Variants in METTL21A observed in about 807,000 individuals in gnomAD.
The protein encoded by METTL21A is methyltransferase 21A, HSPA lysine, also known as protein N-lysine methyltransferase METTL21A.
Under a neutral mutation model 20.9 loss-of-function variants are expected in METTL21A, and 22 were observed. The ratio of observed to expected loss-of-function variants is 1.05; its 90% CI spans 0.75 to 1.50. METTL21A has a LOEUF of 1.50. Ranked by LOEUF, METTL21A falls within the 40% of genes most tolerant of loss-of-function variation. The pLI is 0.00. For synonymous variants in METTL21A, 93 were observed against 102.0 expected, an observed-to-expected ratio of 0.91 and a Z score of 0.53; for missense variants, 271 against 266.8, an observed-to-expected ratio of 1.02 and a Z score of -0.11.
At chr2:207,613,145 C>T in exon 4 of METTL21A, 1 of 1,613,870 alleles carries the variant, frequency 6.2e-7, no homozygotes, top group Non-Finnish European at 8.5e-7. Context: ...GCCTCTCCAG[C>T]ATTGCTAAGA....
chr2:207,622,423 G>A (rs990284947), intron 2 of METTL21A, among the ~76,000 whole-genome samples: 11 of 152,144 alleles, frequency 7.2e-5, no homozygotes, highest in African/African-American at 2.4e-4. Context: ...GCTTCCCAAA[G>A]TGCTAGGATT....
At chr2:207,594,287 G>A (rs1299259137) in intron 3 of METTL21A, among the ~76,000 whole-genome samples, 2 of 152,088 alleles carry the variant, frequency 1.3e-5, no homozygotes, top group Non-Finnish European at 2.9e-5. Flanking sequence ...GTTCAGTCAT[G>A]TTAAGTACAT....
chr2:207,604,180 CTTGTCATTTGA>C (rs2087641975), downstream of METTL21A, among the ~76,000 whole-genome samples: 1 of 152,220 alleles, frequency 6.6e-6, no homozygotes, highest in Non-Finnish European at 1.5e-5. Flanking sequence ...GATTGCCCAT[CTTGTCATTTGA>C]CCAGGCACTG....
chr2:207,620,936 T>C, intron 3 of METTL21A: 2 of 361,224 alleles, frequency 5.5e-6, no homozygotes, highest in Non-Finnish European at 1.0e-5. Context: ...CCTACCCAAG[T>C]GTAGTCTGAG....
chr2:207,581,940 GTGTTTTCTATGGA>G (rs1404025598), exon 4 of METTL21A: 1 of 702,850 alleles, frequency 1.4e-6, no homozygotes, highest in Non-Finnish European at 2.6e-6. Flanking sequence ...CATTTGTCCA[GTGTTTTCTATGGA>G]TAGATTGAGA....
intron 3 of METTL21A, among the ~76,000 whole-genome samples, chr2:207,614,534 G>A (rs1423735009): frequency 6.6e-6 from 1 of 152,188 alleles, no homozygotes; most frequent in Non-Finnish European, 1.5e-5. Context: ...TTCTCCTTAG[G>A]CTGTTATGAA....
downstream of METTL21A, among the ~76,000 whole-genome samples, chr2:207,604,381 G>C (rs1346519312): frequency 2.0e-5 from 3 of 152,124 alleles, no homozygotes; most frequent in Admixed American, 2.0e-4. Flanking sequence ...TTTCCATCTC[G>C]TAAGTGGTGC....
At chr2:207,600,991 C>G (rs201754017) in intron 3 of METTL21A, 1 of 182,642 alleles carries the variant, frequency 5.5e-6, no homozygotes, top group Admixed American at 6.7e-5. Context: ...AAATTGGTCT[C>G]TGTTTATTTT....
intron 3 of METTL21A, chr2:207,582,250 A>G: frequency 1.4e-6 from 1 of 693,788 alleles, no homozygotes; most frequent in Non-Finnish European, 2.6e-6. Context: ...CTTGGAGGCT[A>G]TGCAGATATA....
Position 207,586,702 on chromosome 2 carries a change from C to A in METTL21A, c.260-4542G>T, listed in dbSNP as rs536697619. 8.5e-5 allele frequency among the ~76,000 whole-genome samples: 13 copies of A among 152,238 alleles called. No individual in the cohort carries two copies. The South Asian group carries it at 2.5e-3, about 29-fold the overall frequency. The stretch of plus-strand genomic sequence containing the variant: ...AGGATATATAAGGAACTCAACCGAA[C>A]AGGAAAACAAACAAAAATCCTATTA... On this transcript the variant is annotated intron_variant, in intron 3 of 3. Transcript: ENST00000425132.
chr2:207,607,320 A>G (rs1165322319), downstream of METTL21A, among the ~76,000 whole-genome samples: 1 of 152,142 alleles, frequency 6.6e-6, no homozygotes, highest in East Asian at 1.9e-4. Context: ...ACCCAGGCAG[A>G]GGCTGCAGTG....
At chr2:207,624,567 T>G (rs1288053646) in intron 1 of METTL21A, 163 bp from the exon 2 acceptor site, 2 of 564,436 alleles carry the variant, frequency 3.5e-6, no homozygotes, top group African/African-American at 2.0e-5. Flanking sequence ...CTTCCGAATC[T>G]GAGTGAGATT....
chr2:207,583,753 G>A (rs2083342331), intron 3 of METTL21A, among the ~76,000 whole-genome samples: 1 of 152,080 alleles, frequency 6.6e-6, no homozygotes, highest in Non-Finnish European at 1.5e-5. Flanking sequence ...TCATGTATCT[G>A]TCACCACAAT....
chr2:207,590,864 C>T (rs2084907461), intron 3 of METTL21A, among the ~76,000 whole-genome samples: 1 of 152,112 alleles, frequency 6.6e-6, no homozygotes. Context: ...GTATTTAAGG[C>T]TGTAAATTTC....
chr2:207,621,734 T>C (rs2090499231), intron 3 of METTL21A, 72 bp downstream of exon 3: 4 of 1,339,622 alleles, frequency 3.0e-6, no homozygotes, highest in Admixed American at 3.4e-5. Context: ...ACGAAGGGTT[T>C]TGCGCTAAGA....
intron 3 of METTL21A, chr2:207,600,297 T>G (rs2106636851): frequency 5.7e-6 from 1 of 175,878 alleles, no homozygotes; most frequent in African/African-American, 2.4e-5. Flanking sequence ...CTGAGAGCTC[T>G]TAAGTCAGGA....
rs139308015 is a variant in METTL21A, at chr2:207,616,229, A to T, written c.260-2786T>A. 1.6e-3 allele frequency among the ~76,000 whole-genome samples: 237 copies of T among 152,212 alleles called. 1 individual carries two copies. Among genetic ancestry groups the T allele is most frequent in the African/African-American group, 5.6e-3 (232 of 41,550 alleles). On this transcript the variant is annotated intron_variant, in intron 3 of 3. Coordinates refer to ENST00000406927, the Ensembl canonical transcript of METTL21A. Reference sequence around the variant, plus strand: ...AGCCTTTTCCAAGGTTTGAGTTAGAACTGTATCTCTGAATTTCTTAACAGT... The same window carrying T: ...AGCCTTTTCCAAGGTTTGAGTTAGATCTGTATCTCTGAATTTCTTAACAGT...
chr2:207,620,656 GGCAGTGTACCA>G (rs1478598872), intron 3 of METTL21A: 1 of 1,534,862 alleles, frequency 6.5e-7, no homozygotes, highest in Non-Finnish European at 8.7e-7. Context: ...AAGAATAAAA[GGCAGTGTACCA>G]GCAAGGGCTT....
At chr2:207,590,703 A>G (rs1262885350) in intron 3 of METTL21A, among the ~76,000 whole-genome samples, 2 of 152,154 alleles carry the variant, frequency 1.3e-5, no homozygotes, top group Non-Finnish European at 2.9e-5. Context: ...ATCTGTCACA[A>G]CTACTCAACT....
Sources: allele counts gnomAD v4.1 joint callset (sites outside exome capture counted in the v4.1 genomes callset), GRCh38; gene constraint gnomAD v4.1.1; transcripts MANE v1.5; gene names NCBI Gene and HGNC (gene_info 2026-07-23, HGNC 2026-07-21).